NEK7: variants seen among roughly 807,000 people sequenced by gnomAD.
NEK7 encodes serine/threonine-protein kinase Nek7.
NEK7 carries 18 observed loss-of-function variants against 44.6 expected under a neutral mutation model. The ratio of observed to expected loss-of-function variants is 0.40; its 90% CI spans 0.28 to 0.60. NEK7 has a LOEUF of 0.60. Ranked by LOEUF, NEK7 falls within the 20% of genes least tolerant of loss-of-function variation. The pLI is 0.38. For missense variants in NEK7, 256 were observed against 366.5 expected (o/e 0.70, Z 2.46); for synonymous variants, 130 against 121.1 (o/e 1.07, Z -0.48).
chr1:198,309,992 A>G (rs971261309), intron 9 of NEK7, among the ~76,000 whole-genome samples: 1 of 151,674 alleles, frequency 6.6e-6, no homozygotes, highest in Non-Finnish European at 1.5e-5. Flanking sequence ...TGGTATTTCT[A>G]GTTCTAGATC....
intron 5 of NEK7, among the ~76,000 whole-genome samples, chr1:198,268,022 G>A (rs1653710006): frequency 6.6e-6 from 1 of 151,672 alleles, no homozygotes; most frequent in Non-Finnish European, 1.5e-5. Context: ...TCCTCCATCG[G>A]CTTATTGAGT....
Position 198,248,252 on chromosome 1 carries a change from G to A in NEK7, c.58-4788G>A, listed in dbSNP as rs56679950. Among the ~76,000 whole-genome samples the A allele has an allele frequency of 7.9e-3, 1,200 of 152,270 alleles. 23 individuals are homozygous for A. Among genetic ancestry groups the A allele is most frequent in the African/African-American group, 0.027 (1,113 of 41,534 alleles). Reference sequence around the variant, plus strand: ...AGAGATGCTAAAATGAATGCCATCAGGAATGTAAAAGGTGATATTCCAACT... The same window carrying A: ...AGAGATGCTAAAATGAATGCCATCAAGAATGTAAAAGGTGATATTCCAACT... On this transcript the variant is annotated intron_variant, in intron 2 of 9. Coordinates refer to ENST00000367385, the MANE Select transcript of NEK7 (RefSeq NM_133494.3).
rs1664114099 is a variant in NEK7 at position 198,161,786 on chromosome 1, A to G, written c.-29+4510A>G. ...TGGCTCCCTGCTTCTGACTAAAGCG[A>G]CATAGAATCTAATGTCAGTCATTTG... is the stretch of plus-strand genomic sequence containing the variant. On this transcript the variant is annotated intron_variant, in intron 1 of 9. Transcript: ENST00000367385. 3.9e-5 allele frequency among the ~76,000 whole-genome samples: 6 copies of G among 152,142 alleles called. 1 individual carries two copies. In the South Asian group the frequency reaches 1.2e-3, roughly 32 times the overall value.
At chr1:198,205,913 A>G (rs1665584450) in intron 1 of NEK7, among the ~76,000 whole-genome samples, 1 of 152,154 alleles carries the variant, frequency 6.6e-6, no homozygotes, top group Admixed American at 6.5e-5. Context: ...GGAAAGTACC[A>G]CTTCTCTTCC....
At chr1:198,212,693 G>T (rs1167020991) in intron 1 of NEK7, among the ~76,000 whole-genome samples, 1 of 152,110 alleles carries the variant, frequency 6.6e-6, no homozygotes, top group Non-Finnish European at 1.5e-5. Context: ...GAGCTCCATG[G>T]CCCAGCCCAT....
At chr1:198,236,759 C>T (rs931796488) in intron 2 of NEK7, among the ~76,000 whole-genome samples, 3 of 152,162 alleles carry the variant, frequency 2.0e-5, no homozygotes, top group Admixed American at 2.0e-4. Context: ...TGTGCACCCC[C>T]TCTACTGGGT....
intron 2 of NEK7, among the ~76,000 whole-genome samples, chr1:198,238,922 AG>A (rs1558072053): frequency 6.6e-6 from 1 of 152,196 alleles, no homozygotes; most frequent in Non-Finnish European, 1.5e-5. Context: ...GCTTGTGATT[AG>A]TACTTATCTA....
intron 7 of NEK7, among the ~76,000 whole-genome samples, chr1:198,282,015 C>G (rs1445360612): frequency 6.6e-6 from 1 of 152,024 alleles, no homozygotes; most frequent in Non-Finnish European, 1.5e-5. Flanking sequence ...GCTGCATGTT[C>G]AAACTATGTT....
rs552209120 is a variant in NEK7, at chr1:198,291,282, C to T, written c.590-1663C>T. 5.8e-4 allele frequency among the ~76,000 whole-genome samples: 88 copies of T among 152,286 alleles called. 1 individual carries two copies. The highest frequency in any genetic ancestry group is 6.8e-3 in the Middle Eastern group (2 of 294). On this transcript the variant is annotated intron_variant, in intron 7 of 9. Transcript: ENST00000367385. ...AGTCACTTGCTTTATGTCCTGAAAC[C>T]AGGAGCAGAGCCTGTTTATTATTCC...
intron 9 of NEK7, among the ~76,000 whole-genome samples, chr1:198,310,745 A>G (rs914077294): frequency 7.3e-5 from 11 of 151,196 alleles, no homozygotes; most frequent in African/African-American, 2.4e-4. Flanking sequence ...CAAAGATCAG[A>G]TGTAGATACG....
At chr1:198,240,086 A>G (rs550520583) in intron 2 of NEK7, among the ~76,000 whole-genome samples, 36 of 152,330 alleles carry the variant, frequency 2.4e-4, no homozygotes, top group African/African-American at 7.2e-4. Flanking sequence ...ATGTCATTAG[A>G]TGGCGCATGA....
At chr1:198,157,863 G>T (rs1457681988) in intron 1 of NEK7, among the ~76,000 whole-genome samples, 1 of 152,182 alleles carries the variant, frequency 6.6e-6, no homozygotes, top group East Asian at 1.9e-4. Flanking sequence ...ATGTCGGAGA[G>T]AGGGATTGCG....
intron 9 of NEK7, among the ~76,000 whole-genome samples, chr1:198,299,263 CTATT>C (rs1199543612): frequency 2.0e-5 from 3 of 152,102 alleles, no homozygotes; most frequent in Non-Finnish European, 4.4e-5. Flanking sequence ...TTACTTTAAT[CTATT>C]TAGTTATGTA....
intron 9 of NEK7, among the ~76,000 whole-genome samples, chr1:198,306,999 A>G (rs1655040493): frequency 6.6e-6 from 1 of 152,142 alleles, no homozygotes; most frequent in Non-Finnish European, 1.5e-5. Flanking sequence ...ATTGCAATGG[A>G]CATGACTTAC....
intron 9 of NEK7, among the ~76,000 whole-genome samples, chr1:198,314,484 A>G (rs4915276): frequency 0.51 from 76,368 of 150,968 alleles, 21,585 homozygotes; most frequent in East Asian, 0.89. Context: ...GAGGAACTGC[A>G]TTCCTTTGGA....
chr1:198,196,704 G>C (rs777656325), intron 1 of NEK7, among the ~76,000 whole-genome samples: 7 of 152,218 alleles, frequency 4.6e-5, no homozygotes, highest in Non-Finnish European at 1.0e-4. Flanking sequence ...AGAAAGGAGG[G>C]AAGGGCAAAG....
intron 1 of NEK7, among the ~76,000 whole-genome samples, chr1:198,216,263 A>G (rs1278919208): frequency 1.3e-5 from 2 of 152,134 alleles, no homozygotes; most frequent in Admixed American, 6.5e-5. Context: ...AAAACTAGAA[A>G]TCAATTCCAG....
chr1:198,318,681 T>C (rs939855381), intron 9 of NEK7, among the ~76,000 whole-genome samples: 2 of 152,138 alleles, frequency 1.3e-5, no homozygotes, highest in East Asian at 1.9e-4. Context: ...GAAATTAGAA[T>C]TGACAATAAA....
intron 1 of NEK7, among the ~76,000 whole-genome samples, chr1:198,218,837 CA>C (rs2102838493): frequency 6.6e-6 from 1 of 151,672 alleles, no homozygotes; most frequent in Non-Finnish European, 1.5e-5. Context: ...CAGGAAAATA[CA>C]AATTAAAACC....
Sources: allele counts gnomAD v4.1 joint callset (sites outside exome capture counted in the v4.1 genomes callset), GRCh38; gene constraint gnomAD v4.1.1; transcripts MANE v1.5; gene names NCBI Gene and HGNC (gene_info 2026-07-23, HGNC 2026-07-21).